Variants in CSMD3 observed in about 807,000 individuals in gnomAD.
CSMD3 encodes the protein CUB and sushi domain-containing protein 3.
In CSMD3, 177 loss-of-function variants were observed where a neutral mutation model predicts 435.2. That is an observed-to-expected ratio of 0.41 (90% confidence interval 0.36 to 0.46). The LOEUF (loss-of-function observed/expected upper bound fraction) is 0.46. Ranked by LOEUF, CSMD3 falls within the 20% of genes least tolerant of loss-of-function variation. CSMD3 has a pLI of 0.34. For synonymous variants in CSMD3, 1,656 were observed against 1,520.5 expected, an observed-to-expected ratio of 1.09 and a Z score of -2.07; for missense variants, 4,265 against 4,504.6, an observed-to-expected ratio of 0.95 and a Z score of 1.52.
intron 16 of CSMD3, among the ~76,000 whole-genome samples, chr8:112,679,716 G>A (rs2075845637): frequency 6.6e-6 from 1 of 152,062 alleles, no homozygotes; most frequent in South Asian, 2.1e-4. Flanking sequence ...TAGGCACCAA[G>A]CAACCCCAAA....
chr8:113,318,745 T>G (rs577493003), intron 1 of CSMD3, among the ~76,000 whole-genome samples: 1 of 151,562 alleles, frequency 6.6e-6, no homozygotes, highest in East Asian at 1.9e-4. Flanking sequence ...CCATCCAGGT[T>G]GTAGCACATG....
At chr8:112,546,944 G>A (rs1827235999) in intron 27 of CSMD3, among the ~76,000 whole-genome samples, 1 of 152,148 alleles carries the variant, frequency 6.6e-6, no homozygotes, top group Admixed American at 6.5e-5. Context: ...CACCAAGTTT[G>A]GGGAAACACG....
intron 11 of CSMD3, among the ~76,000 whole-genome samples, chr8:112,855,201 A>G (rs2080612239): frequency 6.6e-6 from 1 of 152,182 alleles, no homozygotes; most frequent in African/African-American, 2.4e-5. Context: ...CTCACATTCC[A>G]TTTGTATCGG....
chr8:112,360,550 T>C (rs1309813193), intron 38 of CSMD3, among the ~76,000 whole-genome samples: 1 of 151,240 alleles, frequency 6.6e-6, no homozygotes, highest in Admixed American at 6.6e-5. Flanking sequence ...AATGTAAATA[T>C]GCCAAATGGT....
chr8:112,675,063 G>A (rs2075742723), intron 16 of CSMD3, among the ~76,000 whole-genome samples: 1 of 151,956 alleles, frequency 6.6e-6, no homozygotes, highest in African/African-American at 2.4e-5. Flanking sequence ...GCTCTGGAGG[G>A]GTGTCTTGTC....
chr8:112,765,510 T>C (rs542282796), intron 13 of CSMD3, among the ~76,000 whole-genome samples: 46 of 151,802 alleles, frequency 3.0e-4, no homozygotes, highest in African/African-American at 1.1e-3. Context: ...TAAGACAGTA[T>C]AATCCAGCGT....
chr8:113,017,798 T>C (rs764067135), intron 6 of CSMD3, among the ~76,000 whole-genome samples: 13 of 152,026 alleles, frequency 8.6e-5, no homozygotes, highest in Non-Finnish European at 1.6e-4. Flanking sequence ...AATTTAAAAG[T>C]GACATTGCCT....
At chr8:112,349,746 C>G (rs1028057991) in intron 40 of CSMD3, among the ~76,000 whole-genome samples, 1 of 152,002 alleles carries the variant, frequency 6.6e-6, no homozygotes, top group South Asian at 2.1e-4. Flanking sequence ...TTAAAAAAAT[C>G]ATCCAATTTA....
intron 22 of CSMD3, among the ~76,000 whole-genome samples, chr8:112,614,741 T>C (rs1213866097): frequency 6.6e-6 from 1 of 152,118 alleles, no homozygotes; most frequent in African/African-American, 2.4e-5. Context: ...TGAATTTTAT[T>C]TTTTAGTTTA....
chr8:113,300,647 C>T (rs1244883008), intron 2 of CSMD3, among the ~76,000 whole-genome samples: 2 of 151,948 alleles, frequency 1.3e-5, no homozygotes, highest in African/African-American at 2.4e-5. Context: ...TGAAGATGCA[C>T]AGACATACAG....
At chr8:112,410,930 T>C (rs924757525) in intron 32 of CSMD3, among the ~76,000 whole-genome samples, 8 of 150,682 alleles carry the variant, frequency 5.3e-5, no homozygotes, top group Non-Finnish European at 8.9e-5. Context: ...TCTTGGCATG[T>C]AATTTATTCT....
At chr8:112,757,923 G>A (rs558167614) in intron 13 of CSMD3, among the ~76,000 whole-genome samples, 2 of 152,130 alleles carry the variant, frequency 1.3e-5, no homozygotes, top group Admixed American at 1.3e-4. Context: ...GGGCATGATG[G>A]CACACATTTG....
intron 23 of CSMD3, among the ~76,000 whole-genome samples, chr8:112,576,891 T>C (rs1000093183): frequency 6.8e-6 from 1 of 146,156 alleles, no homozygotes; most frequent in Non-Finnish European, 1.5e-5. Flanking sequence ...ATTAAAAAAA[T>C]AATCATTTAA....
intron 1 of CSMD3, among the ~76,000 whole-genome samples, chr8:113,393,371 T>C (rs1421980916): frequency 6.6e-6 from 1 of 152,084 alleles, no homozygotes; most frequent in African/African-American, 2.4e-5. Context: ...TAAAAGTAAC[T>C]TATTAGAAGG....
chr8:112,935,813 T>C (rs2083264140), intron 9 of CSMD3, among the ~76,000 whole-genome samples: 1 of 152,168 alleles, frequency 6.6e-6, no homozygotes, highest in Non-Finnish European at 1.5e-5. Context: ...TGATTTGATA[T>C]AGTTTTTAAA....
chr8:112,888,676 C>T (rs2081684823), intron 10 of CSMD3, among the ~76,000 whole-genome samples: 1 of 151,572 alleles, frequency 6.6e-6, no homozygotes, highest in African/African-American at 2.4e-5. Flanking sequence ...TTTATTTGTT[C>T]GTTCATATCG....
chr8:113,074,741 T>C (rs1480720929), intron 5 of CSMD3, among the ~76,000 whole-genome samples: 5 of 151,840 alleles, frequency 3.3e-5, no homozygotes, highest in African/African-American at 7.2e-5. Context: ...CACAACTGTG[T>C]TTCTTAAGTC....
intron 4 of CSMD3, among the ~76,000 whole-genome samples, chr8:113,151,764 T>A (rs1470904968): frequency 6.6e-6 from 1 of 152,024 alleles, no homozygotes; most frequent in Non-Finnish European, 1.5e-5. Context: ...TATTTAAAAT[T>A]GCAGTTTATT....
intron 10 of CSMD3, among the ~76,000 whole-genome samples, chr8:112,907,701 G>A (rs567256221): frequency 1.3e-5 from 2 of 151,262 alleles, no homozygotes; most frequent in Non-Finnish European, 3.0e-5. Context: ...GTTTATGATT[G>A]GAACTAAGAA....
Sources: allele counts gnomAD v4.1 joint callset (sites outside exome capture counted in the v4.1 genomes callset), GRCh38; gene constraint gnomAD v4.1.1; transcripts MANE v1.5; gene names NCBI Gene and HGNC (gene_info 2026-07-23, HGNC 2026-07-21).